The following ALDH6A1 variants were observed in gnomAD, a reference collection of about 807,000 sequenced individuals.
ALDH6A1 encodes methylmalonate-semialdehyde/malonate-semialdehyde dehydrogenase [acylating], mitochondrial.
Under a neutral mutation model 62.6 loss-of-function variants are expected in ALDH6A1, and 43 were observed. The observed-to-expected ratio is 0.69, with a 90% CI of 0.54 to 0.89. The LOEUF (loss-of-function observed/expected upper bound fraction) is 0.89, where lower values mean the gene tolerates loss of function less well. Ranked by LOEUF, ALDH6A1 falls within the 40% of genes least tolerant of loss-of-function variation. The pLI is 0.00. For synonymous variants in ALDH6A1, 194 were observed against 234.2 expected, an observed-to-expected ratio of 0.83 and a Z score of 1.57; for missense variants, 551 against 661.3, an observed-to-expected ratio of 0.83 and a Z score of 1.83.
At chr14:74,072,819 CAG>C (rs2060569074) in intron 2 of ALDH6A1, among the ~76,000 whole-genome samples, 1 of 151,588 alleles carries the variant, frequency 6.6e-6, no homozygotes, top group South Asian at 2.1e-4. Context: ...TTTTTTGAGA[CAG>C]AGTTTCGCTC....
Position 74,067,543 on chromosome 14 carries a change from C to G in ALDH6A1, c.879G>C (p.Met293Ile). ...GGGTATTTTCCTTATTGGCATCTGG[C>G]ATGACTACCCCATGGTTCTTGGCTC... The part of the protein sequence containing the change: ...NMGAKNHGVV[M>I]PDANKENTLN... Residue 293 changes from methionine to isoleucine, a missense_variant, in exon 8 of 12, where the codon ATG becomes ATC. By Grantham distance (10) the Met-to-Ile change is conservative (BLOSUM62 1). Coordinates refer to ENST00000553458, the MANE Select transcript of ALDH6A1 (RefSeq NM_005589.4). 1 of 1,614,082 alleles carries G rather than the reference C, an allele frequency of 6.2e-7. No homozygotes were observed.
intron 6 of ALDH6A1, chr14:74,070,853 G>C (rs759881896): frequency 1.3e-5 from 4 of 300,492 alleles, no homozygotes; most frequent in Admixed American, 4.8e-5. Context: ...TGAATTAGAA[G>C]GCCTTCAGTA....
intron 9 of ALDH6A1, among the ~76,000 whole-genome samples, chr14:74,066,369 A>G (rs1460511030): frequency 3.9e-5 from 6 of 152,236 alleles, no homozygotes; most frequent in Non-Finnish European, 7.3e-5. Flanking sequence ...ATCAGTGTCC[A>G]TAAATAACAT....
chr14:74,083,943 A>T (rs1443027366), intron 1 of ALDH6A1, among the ~76,000 whole-genome samples: 1 of 152,192 alleles, frequency 6.6e-6, no homozygotes, highest in Non-Finnish European at 1.5e-5. Context: ...GTGGACGCTC[A>T]CGGCAGGGGA....
Position 74,072,531 on chromosome 14 carries a change from G to A in ALDH6A1, c.186+6C>T, listed in dbSNP as rs188543079. 357 of 1,614,024 alleles carry A rather than the reference G, an allele frequency of 2.2e-4. 1 individual carries two copies. In the East Asian group the frequency reaches 7.3e-3, roughly 33 times the overall value. On this transcript the variant is annotated splice_donor_region_variant and intron_variant, in intron 3 of 11. Transcript: ENST00000553458. ...TAAGTTGAAGTCCCAAAGCAGCTTC[G>A]CTTACTGGGTTGTGGATATCGATCC...
intron 10 of ALDH6A1, 91 bp from the exon 11 acceptor site, chr14:74,065,011 C>A: frequency 7.3e-7 from 1 of 1,377,206 alleles, no homozygotes. Flanking sequence ...TTTAAATACC[C>A]ACCTTCTACC....
chr14:74,079,497 G>T (rs1174541032), intron 1 of ALDH6A1, among the ~76,000 whole-genome samples: 4 of 149,980 alleles, frequency 2.7e-5, no homozygotes, highest in African/African-American at 9.9e-5. Context: ...GCAGTTGCGC[G>T]ATCTTGGCTC....
At chr14:74,068,411 TAG>T (rs2060502582) in intron 7 of ALDH6A1, among the ~76,000 whole-genome samples, 1 of 150,264 alleles carries the variant, frequency 6.7e-6, no homozygotes, top group Non-Finnish European at 1.5e-5. Context: ...TAACGTGACT[TAG>T]AATGAAACTC....
intron 1 of ALDH6A1, 49 bp downstream of exon 1, chr14:74,084,298 A>G: frequency 6.2e-7 from 1 of 1,613,066 alleles, no homozygotes; most frequent in Non-Finnish European, 8.5e-7. Flanking sequence ...AGCGGACGGA[A>G]AGGATCCAAT....
At chr14:74,075,103 T>A in intron 1 of ALDH6A1, 86 bp from the exon 2 acceptor site, 8 of 1,189,564 alleles carry the variant, frequency 6.7e-6, no homozygotes, top group Non-Finnish European at 9.9e-6. Context: ...TGCTATTTGC[T>A]ATAGTATATA....
rs533760077 is a variant in ALDH6A1 at position 74,059,434 on chromosome 14, G to A, written c.*1208C>T. 4.0e-4 allele frequency: 180 copies of A among 454,300 alleles called. No homozygotes were observed. Among genetic ancestry groups the A allele is most frequent in the Non-Finnish European group, 6.9e-4 (156 of 226,204 alleles). 28.1% of individuals were successfully genotyped at this position (454,300 alleles called of 1,614,324 possible). ...CATCTGGCTGGGTGTGGTGGCTCAT[G>A]CCTGTAATCCCAGCACTTTGGGAGG... On this transcript the variant is annotated 3_prime_UTR_variant, in exon 12 of 12. Coordinates refer to ENST00000553458, the MANE Select transcript of ALDH6A1 (RefSeq NM_005589.4).
At chr14:74,075,708 A>G (rs1214415224) in intron 1 of ALDH6A1, among the ~76,000 whole-genome samples, 3 of 152,172 alleles carry the variant, frequency 2.0e-5, no homozygotes, top group African/African-American at 4.8e-5. Context: ...TATATAATCA[A>G]TGTAAATATA....
intron 6 of ALDH6A1, among the ~76,000 whole-genome samples, chr14:74,069,556 T>TAG: frequency 6.6e-6 from 1 of 151,532 alleles, no homozygotes; most frequent in East Asian, 2.0e-4. Flanking sequence ...TTCGAGACCT[T>TAG]CCTAGCCAAT....
At chr14:74,065,455 C>T (rs2139766259) in intron 9 of ALDH6A1, 95 bp from the exon 10 acceptor site, 6 of 1,125,500 alleles carry the variant, frequency 5.3e-6, no homozygotes, top group Non-Finnish European at 6.5e-6. Context: ...ACATCATTTA[C>T]GTGGACAACT....
At chr14:74,063,311 C>T (rs1013702786) in intron 11 of ALDH6A1, among the ~76,000 whole-genome samples, 14 of 151,860 alleles carry the variant, frequency 9.2e-5, no homozygotes, top group East Asian at 5.9e-4. Flanking sequence ...CTCAGCCTCC[C>T]GAGTAGCTGG....
chr14:74,057,407 A>C lies in ALDH6A1; in HGVS notation c.*3235T>G. Reference sequence around the variant, plus strand: ...ATAAATAGCATTAGTAGATTACATAAATTTTTAAAGCAATATCCGTACAAA... The same window carrying C: ...ATAAATAGCATTAGTAGATTACATACATTTTTAAAGCAATATCCGTACAAA... On this transcript the variant is annotated 3_prime_UTR_variant, in exon 12 of 12. Transcript: ENST00000553458. The C allele has an allele frequency of 1.3e-6, 2 of 1,529,206 alleles. No homozygotes were observed. Among genetic ancestry groups the C allele is most frequent in the Non-Finnish European group, 1.8e-6 (2 of 1,140,952 alleles). 94.7% of individuals were successfully genotyped at this position (1,529,206 alleles called of 1,614,324 possible).
Position 74,060,702 on chromosome 14 carries a change from C to G in ALDH6A1, c.1548G>C (p.Trp516Cys), listed in dbSNP as rs1049366025. Residue 516 changes from tryptophan (W) to cysteine (C), a missense_variant, in exon 12 of 12, where the codon TGG (tryptophan) becomes TGC (cysteine). Trp to Cys is a radical substitution (Grantham distance 215, BLOSUM62 -2). Transcript: ENST00000553458. Reference sequence around the variant, plus strand: ...AGGAAAGAGTAGCATCTTCTTCTTTCCACTGAGAAGTAATGGTCTTTAACT... The same window carrying G: ...AGGAAAGAGTAGCATCTTCTTCTTTGCACTGAGAAGTAATGGTCTTTAACT... The part of the protein sequence containing the change: ...YTQLKTITSQ[W>C]KEEDATLSSP... The G allele has an allele frequency of 1.6e-5, 26 of 1,613,862 alleles. No individual in the cohort carries two copies. Among genetic ancestry groups the G allele is most frequent in the Non-Finnish European group, 2.2e-5 (26 of 1,179,814 alleles).
Position 74,084,416 on chromosome 14 carries a change from CG to C in ALDH6A1, c.-23del, listed in dbSNP as rs749762854. 11 of 1,612,072 alleles carry C rather than the reference CG, an allele frequency of 6.8e-6. No homozygotes were observed. In the Admixed American group the frequency reaches 1.8e-4, roughly 27 times the overall value. ...CCATGGCTCTCGGCCGCCCTAGCTC[CG>C]CACCCCGCGCCTCTACTGCCCAGAA... On this transcript the variant is annotated 5_prime_UTR_variant, in exon 1 of 12. Transcript: ENST00000553458.
Position 74,068,917 on chromosome 14 carries a change from T to C in ALDH6A1, c.795A>G (p.Ala265=), listed in dbSNP as rs751352434. Residue 265 remains alanine, a synonymous_variant, in exon 7 of 12, where the codon GCA becomes GCG. Transcript: ENST00000553458. ...ATCCTCTCTCGAAGATATACTCTCC[T>C]GCCTTGTTGGATCCCACAAAGCTGA... ...KAISFVGSNK[A]GEYIFERGSR... is the part of the protein sequence containing the mutation. 4 of 1,613,940 alleles carry C rather than the reference T, an allele frequency of 2.5e-6. No homozygotes were observed. In the East Asian group the frequency reaches 8.9e-5, roughly 36 times the overall value.
Sources: allele counts gnomAD v4.1 joint callset (sites outside exome capture counted in the v4.1 genomes callset), GRCh38; gene constraint gnomAD v4.1.1; transcripts MANE v1.5; gene names NCBI Gene and HGNC (gene_info 2026-07-23, HGNC 2026-07-21).